Variants in PPP2R2C observed in about 807,000 individuals in gnomAD.
PPP2R2C encodes protein phosphatase 2 regulatory subunit Bgamma.
Under a neutral mutation model 45.3 loss-of-function variants are expected in PPP2R2C, and 10 were observed. That is an observed-to-expected ratio of 0.22 (90% CI 0.14 to 0.37). The LOEUF (loss-of-function observed/expected upper bound fraction) is 0.37, where lower values mean the gene tolerates loss of function less well. PPP2R2C is among the 10% of genes least tolerant of loss of function. The pLI, the probability that PPP2R2C is intolerant of heterozygous loss-of-function variation, is 1.00. For synonymous variants in PPP2R2C, 257 were observed against 245.4 expected, an observed-to-expected ratio of 1.05 and a Z score of -0.44; for missense variants, 308 against 619.7, an observed-to-expected ratio of 0.50 and a Z score of 5.34.
At chr4:6,381,795 A>T (rs562329489) in intron 1 of PPP2R2C, 2 of 1,613,858 alleles carry the variant, frequency 1.2e-6, no homozygotes, top group African/African-American at 1.3e-5. Flanking sequence ...TTCAATGCCC[A>T]GGGCTGGCCT....
At position 6,323,146 on chromosome 4, in the gene PPP2R2C, A is replaced by C; in HGVS notation, c.*156T>G. On this transcript the variant is annotated 3_prime_UTR_variant, in exon 9 of 9. Coordinates refer to ENST00000382599, the MANE Select transcript of PPP2R2C (RefSeq NM_020416.4). ...CTGGCCTAGGAAAGCTGGGGCAGGG[A>C]GGGGGCCCAAACTTCCTGTGTCCAC... 5.0e-6 allele frequency: 4 copies of C among 804,462 alleles called. No homozygotes were observed. Among genetic ancestry groups the C allele is most frequent in the Non-Finnish European group, 7.2e-6 (4 of 553,028 alleles). 49.8% of individuals were successfully genotyped at this position (804,462 alleles called of 1,614,324 possible).
At chr4:6,389,773 G>A (rs1352152288) in intron 1 of PPP2R2C, among the ~76,000 whole-genome samples, 1 of 152,192 alleles carries the variant, frequency 6.6e-6, no homozygotes, top group Non-Finnish European at 1.5e-5. Flanking sequence ...CTTGTGTGCT[G>A]TTATCACCCC....
At chr4:6,518,386 A>C (rs932944524) in intron 2 of PPP2R2C, among the ~76,000 whole-genome samples, 1 of 152,238 alleles carries the variant, frequency 6.6e-6, no homozygotes, top group African/African-American at 2.4e-5. Context: ...AAGATCGATA[A>C]AATTAATAAG....
intron 1 of PPP2R2C, among the ~76,000 whole-genome samples, chr4:6,561,702 C>A (rs1725583024): frequency 1.3e-5 from 2 of 152,086 alleles, no homozygotes; most frequent in South Asian, 4.1e-4. Flanking sequence ...CACAGACACA[C>A]CCACAGATAC....
intron 1 of PPP2R2C, among the ~76,000 whole-genome samples, chr4:6,465,507 C>T (rs76569428): frequency 0.011 from 1,655 of 152,234 alleles, 33 homozygotes; most frequent in African/African-American, 0.038. Context: ...CCCTATAATT[C>T]GTGGGGCACA....
At chr4:6,532,871 G>C (rs1209923333) in intron 2 of PPP2R2C, among the ~76,000 whole-genome samples, 2 of 152,224 alleles carry the variant, frequency 1.3e-5, no homozygotes, top group Non-Finnish European at 2.9e-5. Flanking sequence ...CCAGGTATCT[G>C]TGCCCTAGCT....
chr4:6,356,914 G>A (rs1440557605), intron 5 of PPP2R2C, among the ~76,000 whole-genome samples: 1 of 148,696 alleles, frequency 6.7e-6, no homozygotes, highest in Non-Finnish European at 1.5e-5. Context: ...CTGTCAGGTG[G>A]GACCCTGGGT....
intron 1 of PPP2R2C, among the ~76,000 whole-genome samples, chr4:6,418,867 T>C (rs4554150): frequency 0.97 from 147,674 of 152,320 alleles, 71,747 homozygotes; most frequent in East Asian, 1. Context: ...GTACTAAGTG[T>C]CATGCCTGGT....
At chr4:6,333,981 G>C (rs1187866703) in intron 6 of PPP2R2C, among the ~76,000 whole-genome samples, 1 of 152,190 alleles carries the variant, frequency 6.6e-6, no homozygotes, top group African/African-American at 2.4e-5. Context: ...CCCATGCCTG[G>C]GGAGTCAGTG....
At chr4:6,563,763 A>G (rs1311850416), upstream of PPP2R2C, among the ~76,000 whole-genome samples, 1 of 127,776 alleles carries the variant, frequency 7.8e-6, no homozygotes, top group Non-Finnish European at 1.6e-5. This position sits in a 1 kb window ranked among gnomAD's most constrained non-coding sequence, Gnocchi z 5.8. Context: ...GCGGCTCCGC[A>G]GGCTGCGACC....
intron 1 of PPP2R2C, among the ~76,000 whole-genome samples, chr4:6,432,818 A>G (rs932754856): frequency 2.6e-5 from 4 of 152,156 alleles, no homozygotes; most frequent in African/African-American, 7.2e-5. Context: ...TTGACCCTCA[A>G]ACATGAGCTG....
rs71599888 is a variant in PPP2R2C, at chr4:6,397,732, T to C, written c.71-16638A>G. 8.2e-3 allele frequency among the ~76,000 whole-genome samples: 1,248 copies of C among 152,358 alleles called. 7 individuals are homozygous for C. The highest frequency in any genetic ancestry group is 0.041 in the Middle Eastern group (12 of 294). ...GTTACTCATCCTCTCCGAACCTCAG[T>C]TTCCTTATCCATAAAATGGGCTTAA... On this transcript the variant is annotated intron_variant, in intron 1 of 8. Coordinates refer to ENST00000382599, the MANE Select transcript of PPP2R2C (RefSeq NM_020416.4).
At position 6,457,526 on chromosome 4, in the gene PPP2R2C, C is replaced by A. The variant is rs185196335; in HGVS notation, c.70+14634G>T. ...AGCTGGGACTGCAGGTACATGCCAC[C>A]ATCCTTGGCTAATTTTTTTTTATTT... is the stretch of plus-strand genomic sequence containing the variant. On this transcript the variant is annotated intron_variant, in intron 1 of 8. Coordinates refer to ENST00000382599, the MANE Select transcript of PPP2R2C (RefSeq NM_020416.4). 5.3e-5 allele frequency among the ~76,000 whole-genome samples: 8 copies of A among 151,962 alleles called. No individual in the cohort carries two copies. In the East Asian group the frequency reaches 1.4e-3, roughly 26 times the overall value.
intron 1 of PPP2R2C, among the ~76,000 whole-genome samples, chr4:6,401,882 G>C (rs530487217): frequency 1.6e-4 from 24 of 152,254 alleles, no homozygotes; most frequent in African/African-American, 5.8e-4. Context: ...ACACTGTACT[G>C]GATGCCTTCA....
chr4:6,435,317 A>C (rs1021710981), intron 1 of PPP2R2C, among the ~76,000 whole-genome samples: 1 of 152,040 alleles, frequency 6.6e-6, no homozygotes, highest in Admixed American at 6.6e-5. Context: ...TTGTTAATCT[A>C]TCTACTTTGT....
rs1338126224 is a variant in PPP2R2C, at chr4:6,563,014, T to A, written c.-59+546A>T. On this transcript the variant is annotated intron_variant, in intron 1 of 9. Transcript: ENST00000506140. The surrounding 1 kb of genome is among the most constrained non-coding windows in gnomAD (Gnocchi z 5.8). ...AACCAGAGCAGCAGCCGGGCCTGAC[T>A]CAGCACCCACCGGCGCGGGCAGCGG... Among the ~76,000 whole-genome samples, 1 of 148,662 alleles carries A rather than the reference T, an allele frequency of 6.7e-6. No individual in the cohort carries two copies. The highest frequency in any genetic ancestry group is 6.7e-5 in the Admixed American group (1 of 14,990).
At chr4:6,327,511 A>G (rs1237555789) in intron 8 of PPP2R2C, among the ~76,000 whole-genome samples, 1 of 152,164 alleles carries the variant, frequency 6.6e-6, no homozygotes, top group Non-Finnish European at 1.5e-5. Flanking sequence ...GCGGGGACCT[A>G]CCCCGCAAAA....
At chr4:6,422,419 G>T (rs1217651287) in intron 1 of PPP2R2C, among the ~76,000 whole-genome samples, 1 of 152,170 alleles carries the variant, frequency 6.6e-6, no homozygotes, top group African/African-American at 2.4e-5. Flanking sequence ...TTTTATATGG[G>T]GGAAATACTT....
At chr4:6,505,838 C>T (rs940487302) in intron 2 of PPP2R2C, among the ~76,000 whole-genome samples, 5 of 152,014 alleles carry the variant, frequency 3.3e-5, no homozygotes, top group Admixed American at 6.6e-5. Flanking sequence ...TGGTGGTACA[C>T]GCTTGTAATC....
Sources: gnomAD v4.1 joint callset for allele counts (sites outside exome capture counted in the v4.1 genomes callset) on GRCh38, gnomAD v4.1.1 for gene constraint, Gnocchi (gnomAD v3.1) non-coding constraint, MANE v1.5 for transcripts, NCBI Gene and HGNC (gene_info 2026-07-23, HGNC 2026-07-21) for gene names.